TMEM233: variants seen among roughly 807,000 people sequenced by gnomAD.
The protein encoded by TMEM233 is dispanin subfamily B member 2.
In TMEM233, 6 loss-of-function variants were observed where a neutral mutation model predicts 11.2. That is an observed-to-expected ratio of 0.54 (90% CI 0.29 to 1.06). TMEM233 has a LOEUF of 1.06. Among genes scored for constraint, TMEM233 ranks in the 50% least tolerant of loss-of-function variants. The probability of loss-of-function intolerance (pLI) is 0.08; values close to 1 mark genes in which losing one functional copy is unlikely to be tolerated. For synonymous variants in TMEM233, 59 were observed against 55.8 expected (o/e 1.06, Z -0.26); for missense variants, 127 against 144.7 (o/e 0.88, Z 0.63).
intron 2 of TMEM233, chr12:119,634,396 C>A: frequency 2.4e-6 from 1 of 412,754 alleles, no homozygotes; most frequent in Non-Finnish European, 3.3e-6. Flanking sequence ...TCTCTTGAGG[C>A]CAGGAGTTTA....
chr12:119,609,101 A>G (rs1954342285), intron 1 of TMEM233, among the ~76,000 whole-genome samples: 1 of 152,198 alleles, frequency 6.6e-6, no homozygotes, highest in Admixed American at 6.5e-5. Context: ...GACTTGCTGA[A>G]TGACCAAAAT....
At chr12:119,601,635 G>A (rs967273853) in intron 1 of TMEM233, among the ~76,000 whole-genome samples, 7 of 147,752 alleles carry the variant, frequency 4.7e-5, no homozygotes, top group Non-Finnish European at 7.4e-5. Flanking sequence ...TCCAGCCTGG[G>A]CGACAGAGCG....
chr12:119,643,916 G>A (rs1286505488), downstream of TMEM233, among the ~76,000 whole-genome samples: 4 of 152,148 alleles, frequency 2.6e-5, no homozygotes, highest in Non-Finnish European at 4.4e-5. Flanking sequence ...ATCCTGGTGC[G>A]CAGGGTTTTT....
chr12:119,642,062 G>T lies in TMEM233; in HGVS notation c.*1357G>T, dbSNP rs1955089988. On this transcript the variant is annotated 3_prime_UTR_variant, in exon 3 of 3. Coordinates refer to ENST00000426426, the MANE Select transcript of TMEM233 (RefSeq NM_001136534.3). ...AATTAAGAAAAACAAGAGAACTCAA[G>T]AAAATATCAAGTAATTAACACACCA... 6.6e-6 allele frequency: 1 copy of T among 152,180 alleles called. No homozygotes were observed. Among genetic ancestry groups the T allele is most frequent in the South Asian group, 2.1e-4 (1 of 4,834 alleles). The allele number at this position is 152,180 out of a possible 1,614,324, so 9.4% of individuals were successfully genotyped here.
intron 1 of TMEM233, among the ~76,000 whole-genome samples, chr12:119,608,488 C>A (rs967602382): frequency 1.3e-5 from 2 of 152,196 alleles, no homozygotes; most frequent in African/African-American, 4.8e-5. Context: ...ATGAAGGAGG[C>A]TGAGGGAGTG....
rs1401583509 is a variant in TMEM233, at chr12:119,593,822, G to A, written c.-27G>A. Reference sequence around the variant, plus strand: ...GACCACACAGACCGTGCGCTCCTCCGCCCTCCCGGCGCCGCCGGCCTCGCC... The same window carrying A: ...GACCACACAGACCGTGCGCTCCTCCACCCTCCCGGCGCCGCCGGCCTCGCC... On this transcript the variant is annotated 5_prime_UTR_variant, in exon 1 of 3. Coordinates refer to ENST00000426426, the MANE Select transcript of TMEM233 (RefSeq NM_001136534.3). The surrounding 1 kb of genome is among the most constrained non-coding windows in gnomAD (Gnocchi z 4.1). 1.9e-6 allele frequency: 3 copies of A among 1,548,050 alleles called. No homozygotes were observed. Among genetic ancestry groups the A allele is most frequent in the East Asian group, 2.4e-5 (1 of 40,850 alleles).
At chr12:119,605,063 A>G (rs898492074) in intron 1 of TMEM233, among the ~76,000 whole-genome samples, 5 of 141,774 alleles carry the variant, frequency 3.5e-5, no homozygotes, top group Middle Eastern at 3.8e-3. Context: ...TACCCTTTGT[A>G]TCATATCTTC....
chr12:119,608,809 A>G (rs370932362), intron 1 of TMEM233, among the ~76,000 whole-genome samples: 2 of 152,306 alleles, frequency 1.3e-5, no homozygotes, highest in East Asian at 1.9e-4. Flanking sequence ...GTTCTCCTAC[A>G]TTCATTTATT....
intron 2 of TMEM233, among the ~76,000 whole-genome samples, chr12:119,636,137 G>A (rs1196101190): frequency 2.0e-5 from 3 of 152,052 alleles, no homozygotes; most frequent in Non-Finnish European, 4.4e-5. Flanking sequence ...CTAATTACAT[G>A]GCTGGTTCCC....
At chr12:119,643,545 G>C (rs917275879), downstream of TMEM233, among the ~76,000 whole-genome samples, 1 of 152,050 alleles carries the variant, frequency 6.6e-6, no homozygotes, top group Non-Finnish European at 1.5e-5. Flanking sequence ...GAGGCAGGTG[G>C]ATCATAAAGT....
At chr12:119,612,934 A>G (rs936320368) in intron 1 of TMEM233, among the ~76,000 whole-genome samples, 5 of 152,072 alleles carry the variant, frequency 3.3e-5, no homozygotes, top group African/African-American at 9.7e-5. Flanking sequence ...AATAAAAAAA[A>G]GAGGAAAACT....
chr12:119,638,345 C>T (rs1955008221), intron 2 of TMEM233, among the ~76,000 whole-genome samples: 1 of 152,138 alleles, frequency 6.6e-6, no homozygotes, highest in Non-Finnish European at 1.5e-5. Context: ...CACCTGTAGT[C>T]CCAGCTACTT....
In TMEM233 at chr12:119,604,199, C is replaced by T. The variant is rs74691692; in HGVS notation, c.186+10165C>T. Among the ~76,000 whole-genome samples, 1,290 of 152,312 alleles carry T rather than the reference C, an allele frequency of 8.5e-3. 20 individuals carry two copies. Among genetic ancestry groups the T allele is most frequent in the African/African-American group, 0.029 (1,222 of 41,564 alleles). ...TCAAGAATTAAGCCAGACTTTCCAACATGGTGCTTCTCAGAAAACTAGTTG... is the reference window on the plus strand; with the variant it reads ...TCAAGAATTAAGCCAGACTTTCCAATATGGTGCTTCTCAGAAAACTAGTTG... On this transcript the variant is annotated intron_variant, in intron 1 of 2. Transcript: ENST00000426426.
At chr12:119,597,692 TAGG>T (rs1273542668) in intron 1 of TMEM233, among the ~76,000 whole-genome samples, 2 of 152,182 alleles carry the variant, frequency 1.3e-5, no homozygotes, top group African/African-American at 4.8e-5. Context: ...TCCTGGGGGT[TAGG>T]AGGTGGCACA....
At chr12:119,631,638 G>T in intron 2 of TMEM233, 1 of 985,444 alleles carries the variant, frequency 1.0e-6, no homozygotes, top group African/African-American at 1.7e-5. Context: ...GGTGTAAGGT[G>T]CTTGTGAACT....
chr12:119,600,790 G>A (rs1322820475), intron 1 of TMEM233, among the ~76,000 whole-genome samples: 2 of 152,114 alleles, frequency 1.3e-5, no homozygotes, highest in African/African-American at 4.8e-5. Context: ...TATGGGGAGA[G>A]GGAAATGGGG....
At chr12:119,647,653 C>CGTGGAGGTTTGTT (rs1955171511), downstream of TMEM233, among the ~76,000 whole-genome samples, 1 of 152,072 alleles carries the variant, frequency 6.6e-6, no homozygotes, top group Non-Finnish European at 1.5e-5. Context: ...ATGTGCAGAA[C>CGTGGAGGTTTGTT]GTGGAGGTTT....
chr12:119,636,488 GT>G (rs1451203048), intron 2 of TMEM233, among the ~76,000 whole-genome samples: 4 of 152,120 alleles, frequency 2.6e-5, no homozygotes, highest in Non-Finnish European at 2.9e-5. Context: ...CCTCCCTTTT[GT>G]TTTTGGTTTT....
chr12:119,627,362 T>C (rs1954785858), intron 1 of TMEM233, among the ~76,000 whole-genome samples: 1 of 152,238 alleles, frequency 6.6e-6, no homozygotes, highest in Non-Finnish European at 1.5e-5. Context: ...TTTGCACTGC[T>C]ATAAAGAAAT....
Sources: allele counts gnomAD v4.1 joint callset (sites outside exome capture counted in the v4.1 genomes callset), GRCh38; gene constraint gnomAD v4.1.1; non-coding constraint Gnocchi (gnomAD v3.1); transcripts MANE v1.5; gene names NCBI Gene and HGNC (gene_info 2026-07-23, HGNC 2026-07-21).